Variants in CAMK1D observed in about 807,000 individuals in gnomAD.
CAMK1D encodes the protein calcium/calmodulin-dependent protein kinase type 1D.
In CAMK1D, 9 loss-of-function variants were observed where a neutral mutation model predicts 47.7. The observed-to-expected ratio is 0.19, with a 90% CI of 0.11 to 0.33. CAMK1D has a LOEUF of 0.33. CAMK1D is among the 10% of genes least tolerant of loss of function. The pLI is 1.00. For missense variants in CAMK1D, 291 were observed against 488.7 expected (o/e 0.60, Z 3.81); for synonymous variants, 184 against 184.9 (o/e 0.99, Z 0.04).
intron 3 of CAMK1D, among the ~76,000 whole-genome samples, chr10:12,736,007 G>C (rs908229313): frequency 1.3e-5 from 2 of 152,176 alleles, no homozygotes; most frequent in African/African-American, 4.8e-5. Flanking sequence ...TTGAGACTTG[G>C]CACTGGCTGC....
intron 3 of CAMK1D, among the ~76,000 whole-genome samples, chr10:12,740,544 A>C (rs1234989539): frequency 6.6e-6 from 1 of 152,124 alleles, no homozygotes; most frequent in African/African-American, 2.4e-5. Context: ...ATTACAGTGA[A>C]CTGAGATCAT....
intron 6 of CAMK1D, among the ~76,000 whole-genome samples, chr10:12,801,768 A>G (rs1838495124): frequency 6.6e-6 from 1 of 152,096 alleles, no homozygotes; most frequent in Admixed American, 6.5e-5. Context: ...TGTGTGTTTT[A>G]TGTGTCATAC....
intron 1 of CAMK1D, among the ~76,000 whole-genome samples, chr10:12,381,541 G>A (rs1838346367): frequency 6.6e-6 from 1 of 152,026 alleles, no homozygotes; most frequent in African/African-American, 2.4e-5. Flanking sequence ...CACCTTGTTG[G>A]CCAGGCTGGT....
intron 1 of CAMK1D, among the ~76,000 whole-genome samples, chr10:12,369,212 T>C (rs1837938104): frequency 6.6e-6 from 1 of 152,108 alleles, no homozygotes; most frequent in South Asian, 2.1e-4. Context: ...CCCACTTAAA[T>C]ATGAGAGACG....
chr10:12,373,956 CA>C (rs35008954), intron 1 of CAMK1D, among the ~76,000 whole-genome samples: 2,499 of 86,060 alleles, frequency 0.029, 64 homozygotes, highest in African/African-American at 0.095. Context: ...CACTCTTTAT[CA>C]AAAAAAAAAA....
intron 1 of CAMK1D, among the ~76,000 whole-genome samples, chr10:12,408,636 G>A (rs1460025751): frequency 6.6e-6 from 1 of 152,038 alleles, no homozygotes; most frequent in African/African-American, 2.4e-5. Flanking sequence ...GGGTGGTTCA[G>A]GTTCAGGTGG....
chr10:12,357,264 C>T (rs556154561), intron 1 of CAMK1D, among the ~76,000 whole-genome samples: 4 of 152,110 alleles, frequency 2.6e-5, no homozygotes, highest in South Asian at 4.2e-4. Context: ...CTCTGCCACC[C>T]GAGTTCAAGC....
chr10:12,431,438 G>T (rs1056612181), intron 1 of CAMK1D, among the ~76,000 whole-genome samples: 2 of 152,174 alleles, frequency 1.3e-5, no homozygotes, highest in Non-Finnish European at 2.9e-5. Context: ...AGAGAGACTG[G>T]GTGGGTCGGG....
chr10:12,799,137 G>T (rs1838317902), intron 6 of CAMK1D, among the ~76,000 whole-genome samples: 2 of 152,194 alleles, frequency 1.3e-5, no homozygotes, highest in Admixed American at 6.5e-5. Context: ...ATCCTTGGAA[G>T]AGTTGATCAG....
chr10:12,373,409 G>A (rs1208941315), intron 1 of CAMK1D, among the ~76,000 whole-genome samples: 2 of 151,744 alleles, frequency 1.3e-5, no homozygotes, highest in Non-Finnish European at 2.9e-5. Context: ...ACGCGGGTGG[G>A]TCACCTGAGG....
intron 6 of CAMK1D, among the ~76,000 whole-genome samples, chr10:12,813,270 A>C (rs181645694): frequency 2.8e-3 from 421 of 152,308 alleles, no homozygotes; most frequent in African/African-American, 9.7e-3. Flanking sequence ...AACCCTCCGC[A>C]TACTCAGTCT....
chr10:12,624,239 T>C (rs1432018521), intron 2 of CAMK1D, among the ~76,000 whole-genome samples: 2 of 152,150 alleles, frequency 1.3e-5, no homozygotes, highest in African/African-American at 4.8e-5. Context: ...AATTTTCTTA[T>C]TCTAGTCTAT....
At chr10:12,822,869 A>G (rs1412040968) in intron 8 of CAMK1D, among the ~76,000 whole-genome samples, 2 of 152,198 alleles carry the variant, frequency 1.3e-5, no homozygotes, top group East Asian at 3.8e-4. Context: ...TGTTTCAGGA[A>G]TATGTGTCTG....
intron 1 of CAMK1D, among the ~76,000 whole-genome samples, chr10:12,428,073 G>A (rs10752264): frequency 0.69 from 104,107 of 151,790 alleles, 37,643 homozygotes; most frequent in Non-Finnish European, 0.81. Context: ...GAATGTGCAG[G>A]TTTGTTACAT....
Position 12,622,998 on chromosome 10 carries a change from C to T in CAMK1D, c.225-43738C>T, listed in dbSNP as rs578085352. On this transcript the variant is annotated intron_variant, in intron 2 of 10. Coordinates refer to ENST00000619168, the MANE Select transcript of CAMK1D (RefSeq NM_153498.4). The stretch of plus-strand genomic sequence containing the variant: ...ACTGCCTTCCCTCCCTCCAATCGTC[C>T]GTCCCGTCATCTCATCTCTCCCATC... Among the ~76,000 whole-genome samples, 243 of 151,196 alleles carry T rather than the reference C, an allele frequency of 1.6e-3. 1 individual carries two copies. The highest frequency in any genetic ancestry group is 2.3e-3 in the Non-Finnish European group (153 of 67,714).
Position 12,591,013 on chromosome 10 carries a change from G to A in CAMK1D, c.224+37657G>A, listed in dbSNP as rs180724112. On this transcript the variant is annotated intron_variant, in intron 2 of 10. Coordinates refer to ENST00000619168, the MANE Select transcript of CAMK1D (RefSeq NM_153498.4). ...TTTTCCTTGGAGAAGATAGCTAACCGATTTTTAATTTTATCTTCTCTGAAT... is the reference window on the plus strand; with the variant it reads ...TTTTCCTTGGAGAAGATAGCTAACCAATTTTTAATTTTATCTTCTCTGAAT... 2.8e-4 allele frequency among the ~76,000 whole-genome samples: 43 copies of A among 152,278 alleles called. No homozygotes were observed. The East Asian group carries it at 7.3e-3, about 26-fold the overall frequency.
intron 6 of CAMK1D, among the ~76,000 whole-genome samples, chr10:12,802,756 A>AGG (rs1838542733): frequency 6.6e-6 from 1 of 152,140 alleles, no homozygotes; most frequent in African/African-American, 2.4e-5. Context: ...TACTGACCTC[A>AGG]TGATCCGTCC....
chr10:12,479,024 G>A (rs1833984348), intron 1 of CAMK1D, among the ~76,000 whole-genome samples: 1 of 151,944 alleles, frequency 6.6e-6, no homozygotes, highest in African/African-American at 2.4e-5. Context: ...TTTATGAATG[G>A]GGGAACTCTG....
At chr10:12,369,133 G>C (rs1316274540) in intron 1 of CAMK1D, among the ~76,000 whole-genome samples, 1 of 152,112 alleles carries the variant, frequency 6.6e-6, no homozygotes, top group Non-Finnish European at 1.5e-5. Flanking sequence ...GGACAATTGA[G>C]AGACAGATTC....
Sources: gnomAD v4.1 joint callset for allele counts (sites outside exome capture counted in the v4.1 genomes callset) on GRCh38, gnomAD v4.1.1 for gene constraint, MANE v1.5 for transcripts, NCBI Gene and HGNC (gene_info 2026-07-23, HGNC 2026-07-21) for gene names.